The following CTNNA3 variants were observed in gnomAD, a reference collection of about 807,000 sequenced individuals.
CTNNA3 encodes catenin alpha 3.
A neutral mutation model predicts 95.7 loss-of-function variants in CTNNA3; 76 were observed. The observed-to-expected ratio is 0.79, with a 90% CI of 0.66 to 0.96. The LOEUF (loss-of-function observed/expected upper bound fraction) is 0.96. CTNNA3 is among the 40% of genes least tolerant of loss of function. The pLI is 0.00. For missense variants in CTNNA3, 1,191 were observed against 1,089.8 expected (o/e 1.09, Z -1.31); for synonymous variants, 431 against 374.4 (o/e 1.15, Z -1.74).
intron 13 of CTNNA3, among the ~76,000 whole-genome samples, chr10:66,113,961 T>C (rs2082215759): frequency 6.6e-6 from 1 of 151,428 alleles, no homozygotes; most frequent in Admixed American, 6.6e-5. Flanking sequence ...GCAATAATAA[T>C]AAGAGCAGTA....
At chr10:67,545,739 G>A (rs150116280) in intron 3 of CTNNA3, among the ~76,000 whole-genome samples, 3 of 152,116 alleles carry the variant, frequency 2.0e-5, no homozygotes, top group Admixed American at 6.6e-5. Flanking sequence ...TTTGGTTGTG[G>A]TTTCGGTCAA....
chr10:67,242,813 T>C (rs769940206), intron 5 of CTNNA3, among the ~76,000 whole-genome samples: 43 of 152,176 alleles, frequency 2.8e-4, no homozygotes, highest in Non-Finnish European at 2.9e-5. Context: ...TTAATGGAAA[T>C]AGCATAAGCT....
intron 9 of CTNNA3, among the ~76,000 whole-genome samples, chr10:66,702,002 A>G (rs912628488): frequency 6.6e-6 from 1 of 152,144 alleles, no homozygotes; most frequent in Non-Finnish European, 1.5e-5. Context: ...GGCCACCCAT[A>G]TGAGCCATCT....
intron 13 of CTNNA3, among the ~76,000 whole-genome samples, chr10:66,189,375 A>G (rs1366475454): frequency 6.7e-6 from 1 of 149,632 alleles, no homozygotes; most frequent in Non-Finnish European, 1.5e-5. Context: ...TCTTTAATTT[A>G]TTTTGAGTTG....
At chr10:66,437,335 A>C (rs1212814870) in intron 11 of CTNNA3, among the ~76,000 whole-genome samples, 1 of 151,198 alleles carries the variant, frequency 6.6e-6, no homozygotes, top group Non-Finnish European at 1.5e-5. Context: ...CAATCAAAAA[A>C]GTTTGGTCTT....
At chr10:66,226,542 C>T (rs189702921) in intron 13 of CTNNA3, among the ~76,000 whole-genome samples, 10 of 148,272 alleles carry the variant, frequency 6.7e-5, no homozygotes, top group East Asian at 3.9e-4. Context: ...TGAGGTCTTT[C>T]GTGGTTCCAT....
At chr10:65,958,248 G>C (rs906084239) in intron 17 of CTNNA3, among the ~76,000 whole-genome samples, 2 of 151,984 alleles carry the variant, frequency 1.3e-5, no homozygotes, top group African/African-American at 4.8e-5. Context: ...GTCATTTAAG[G>C]TCTTCTCTAT....
intron 7 of CTNNA3, among the ~76,000 whole-genome samples, chr10:66,948,922 G>T (rs943401046): frequency 8.5e-5 from 13 of 152,098 alleles, no homozygotes; most frequent in African/African-American, 2.7e-4. Flanking sequence ...ATTAGGCTTT[G>T]TATTAATTTT....
At chr10:67,615,131 C>T (rs1219190961) in intron 2 of CTNNA3, among the ~76,000 whole-genome samples, 1 of 152,260 alleles carries the variant, frequency 6.6e-6, no homozygotes, top group South Asian at 2.1e-4. Flanking sequence ...ACAATCTTTA[C>T]CACAAGTGAT....
intron 9 of CTNNA3, among the ~76,000 whole-genome samples, chr10:66,701,482 T>C (rs998438484): frequency 2.0e-5 from 3 of 152,192 alleles, no homozygotes; most frequent in Admixed American, 6.5e-5. Flanking sequence ...GTTTCAACAC[T>C]GTACAGTTTA....
At chr10:66,707,557 T>C (rs1848156910) in intron 9 of CTNNA3, among the ~76,000 whole-genome samples, 1 of 152,094 alleles carries the variant, frequency 6.6e-6, no homozygotes, top group African/African-American at 2.4e-5. Context: ...AATCCATAAA[T>C]GTCTTTCCTA....
intron 11 of CTNNA3, among the ~76,000 whole-genome samples, chr10:66,514,693 A>C (rs938056384): frequency 6.6e-6 from 1 of 152,132 alleles, no homozygotes; most frequent in Non-Finnish European, 1.5e-5. Flanking sequence ...AGCACTCATA[A>C]TTATGGAATA....
intron 15 of CTNNA3, among the ~76,000 whole-genome samples, chr10:65,993,801 T>A (rs1236816350): frequency 6.6e-6 from 1 of 152,182 alleles, no homozygotes; most frequent in Non-Finnish European, 1.5e-5. Context: ...AGTGGCACAA[T>A]CTCAGCTCAC....
At chr10:66,722,972 T>C (rs1178467849) in intron 9 of CTNNA3, among the ~76,000 whole-genome samples, 2 of 152,154 alleles carry the variant, frequency 1.3e-5, no homozygotes, top group East Asian at 3.9e-4. Context: ...TGGCCTTTTC[T>C]GCTCTATCAT....
intron 12 of CTNNA3, among the ~76,000 whole-genome samples, chr10:66,320,723 A>G (rs2092171284): frequency 1.3e-5 from 2 of 152,152 alleles, no homozygotes; most frequent in Non-Finnish European, 2.9e-5. Flanking sequence ...ATCTGTAAAA[A>G]TACTTTTGAC....
chr10:66,800,368 G>C (rs914351501), intron 7 of CTNNA3, among the ~76,000 whole-genome samples: 7 of 150,846 alleles, frequency 4.6e-5, no homozygotes, highest in African/African-American at 1.7e-4. Context: ...TTTCTTAGTG[G>C]TATTTCAGTT....
intron 7 of CTNNA3, among the ~76,000 whole-genome samples, chr10:66,929,280 C>A (rs1847239957): frequency 6.6e-6 from 1 of 152,204 alleles, no homozygotes; most frequent in South Asian, 2.1e-4. Context: ...CTCCACCACA[C>A]CTCACATTAG....
intron 3 of CTNNA3, among the ~76,000 whole-genome samples, chr10:67,587,928 C>A (rs747711715): frequency 7.2e-5 from 11 of 151,980 alleles, no homozygotes; most frequent in Non-Finnish European, 1.3e-4. Flanking sequence ...TTTTGTCTGA[C>A]TGGATTATTT....
intron 7 of CTNNA3, among the ~76,000 whole-genome samples, chr10:66,917,262 G>C (rs1037937532): frequency 6.6e-6 from 1 of 152,150 alleles, no homozygotes; most frequent in African/African-American, 2.4e-5. Context: ...GTAAATTTTT[G>C]CTCGAGTTAC....
Sources: gnomAD v4.1 joint callset for allele counts (sites outside exome capture counted in the v4.1 genomes callset) on GRCh38, gnomAD v4.1.1 for gene constraint, MANE v1.5 for transcripts, NCBI Gene and HGNC (gene_info 2026-07-23, HGNC 2026-07-21) for gene names.